NF1: variants seen among roughly 807,000 people sequenced by gnomAD.
NF1 encodes neurofibromin.
In NF1, 122 loss-of-function variants were observed where a neutral mutation model predicts 325.7. That is an observed-to-expected ratio of 0.37 (90% confidence interval 0.32 to 0.44). NF1 has a LOEUF of 0.44. Among genes scored for constraint, NF1 ranks in the 20% least tolerant of loss-of-function variants. The pLI is 1.00. For synonymous variants in NF1, 1,091 were observed against 1,186.0 expected (o/e 0.92, Z 1.65); for missense variants, 2,140 against 3,415.4 (o/e 0.63, Z 9.31).
intron 36 of NF1, among the ~76,000 whole-genome samples, chr17:31,310,014 T>A (rs997237142): frequency 6.6e-6 from 1 of 152,124 alleles, no homozygotes; most frequent in Non-Finnish European, 1.5e-5. Flanking sequence ...AGAAGAAAGA[T>A]TTAAAAGAGG....
chr17:31,113,902 C>T (rs1913655364), intron 1 of NF1, among the ~76,000 whole-genome samples: 1 of 152,204 alleles, frequency 6.6e-6, no homozygotes, highest in Non-Finnish European at 1.5e-5. Flanking sequence ...TGTCCTTACC[C>T]TCTTCCCAAA....
At chr17:31,202,172 C>G (rs934337410) in intron 11 of NF1, among the ~76,000 whole-genome samples, 1 of 152,142 alleles carries the variant, frequency 6.6e-6, no homozygotes, top group African/African-American at 2.4e-5. Flanking sequence ...TTTTAAAATT[C>G]TGTTCTTGTA....
chr17:31,212,359 A>G (rs2066743462), intron 12 of NF1, among the ~76,000 whole-genome samples: 1 of 152,176 alleles, frequency 6.6e-6, no homozygotes, highest in African/African-American at 2.4e-5. Context: ...GGACCTTCTG[A>G]GGCTGTGTTT....
chr17:31,303,503 A>G (rs901349340), intron 36 of NF1, among the ~76,000 whole-genome samples: 31 of 152,114 alleles, frequency 2.0e-4, no homozygotes, highest in Admixed American at 8.5e-4. Context: ...AAATCACCCA[A>G]AGTCACCCGT....
chr17:31,352,500 G>A (rs1192746309), intron 51 of NF1, 86 bp downstream of exon 51: 1 of 1,337,038 alleles, frequency 7.5e-7, no homozygotes, highest in Non-Finnish European at 1.0e-6. Flanking sequence ...GAAATTTCAG[G>A]ATTATCAAAA....
At position 31,181,723 on chromosome 17, in the gene NF1, G is replaced by C. The variant is rs1567826110; in HGVS notation, c.668G>C (p.Trp223Ser). 6.2e-7 allele frequency: 1 copy of C among 1,608,482 alleles called. No individual in the cohort carries two copies. Among genetic ancestry groups the C allele is most frequent in the Non-Finnish European group, 8.5e-7 (1 of 1,175,358 alleles). The change falls in exon 7 of 58, where the codon TGG becomes TCG. Residue 223 changes from tryptophan to serine, a missense_variant. Trp to Ser is a radical substitution (Grantham distance 177, BLOSUM62 -3). Coordinates refer to ENST00000358273, the MANE Select transcript of NF1 (RefSeq NM_001042492.3). ...INSLEKAFWNWVENYPDEFTK... is the reference protein window; with the variant it reads ...INSLEKAFWNSVENYPDEFTK... ...CTTTATTTATAGGCATTTTGGAACTGGGTAGAAAATTATCCAGATGAATTT... is the reference window on the plus strand; with the variant it reads ...CTTTATTTATAGGCATTTTGGAACTCGGTAGAAAATTATCCAGATGAATTT...
At chr17:31,095,839 C>T (rs961034621) in intron 1 of NF1, among the ~76,000 whole-genome samples, 3 of 152,060 alleles carry the variant, frequency 2.0e-5, no homozygotes, top group African/African-American at 4.8e-5. Flanking sequence ...TCTTATATAC[C>T]CTCAATAGGA....
At chr17:31,244,786 A>G (rs1417427331) in intron 29 of NF1, among the ~76,000 whole-genome samples, 1 of 151,920 alleles carries the variant, frequency 6.6e-6, no homozygotes, top group Non-Finnish European at 1.5e-5. Context: ...GTGATCACTT[A>G]CCTGATTTTC....
At chr17:31,116,108 T>C (rs1913883025) in intron 1 of NF1, among the ~76,000 whole-genome samples, 1 of 152,188 alleles carries the variant, frequency 6.6e-6, no homozygotes, top group Non-Finnish European at 1.5e-5. Context: ...CATGCAGATA[T>C]CTCACTAATT....
chr17:31,223,303 A>C (rs1229861843), intron 15 of NF1, 141 bp from the exon 16 acceptor site: 2 of 978,576 alleles, frequency 2.0e-6, no homozygotes, highest in Admixed American at 4.1e-5. Context: ...CACTTTGATA[A>C]CTGTTTCTCT....
chr17:31,227,369 C>T, intron 19 of NF1, 78 bp downstream of exon 19: 3 of 1,508,582 alleles, frequency 2.0e-6, no homozygotes, highest in Non-Finnish European at 1.8e-6. Flanking sequence ...TATGTGTGAT[C>T]AGGAATAGCT....
intron 56 of NF1, 96 bp downstream of exon 56, chr17:31,359,111 A>T: frequency 4.9e-6 from 5 of 1,022,860 alleles, no homozygotes; most frequent in Non-Finnish European, 6.0e-6. Flanking sequence ...GCTGAAAACC[A>T]GAAAAATAAT....
chr17:31,323,399 A>G (rs771280735), intron 36 of NF1, among the ~76,000 whole-genome samples: 50 of 144,600 alleles, frequency 3.5e-4, no homozygotes, highest in Middle Eastern at 3.5e-3. Context: ...GAGTTAAGGG[A>G]AAAAAAAAAA....
At chr17:31,166,292 T>C (rs2065843592) in intron 4 of NF1, among the ~76,000 whole-genome samples, 1 of 152,254 alleles carries the variant, frequency 6.6e-6, no homozygotes, top group African/African-American at 2.4e-5. Context: ...AGTTTTTTTA[T>C]ATGTCTCTGA....
chr17:31,164,583 C>CG (rs1597637652), intron 4 of NF1, among the ~76,000 whole-genome samples: 1 of 152,162 alleles, frequency 6.6e-6, no homozygotes, highest in African/African-American at 2.4e-5. Flanking sequence ...CAGTGTTGTA[C>CG]GAACAGTGGA....
chr17:31,182,581 A>G lies in NF1; in HGVS notation c.804A>G (p.Pro268=), dbSNP rs759964997. The G allele has an allele frequency of 3.1e-6, 5 of 1,613,954 alleles. No individual in the cohort carries two copies. The South Asian group carries it at 5.5e-5, about 18-fold the overall frequency. Residue 268 remains proline, a synonymous_variant, in exon 8 of 58, where the codon CCA becomes CCG. Coordinates refer to ENST00000358273, the MANE Select transcript of NF1 (RefSeq NM_001042492.3). ...ESTKRKAAVW[P]LQIILLILCP... ...CCAAACGTAAAGCAGCAGTTTGGCC[A>G]CTACAAATCATTCTCCTTATCTTGT...
At chr17:31,162,054 AAAAG>A (rs1412131270) in intron 3 of NF1, among the ~76,000 whole-genome samples, 27 of 151,622 alleles carry the variant, frequency 1.8e-4, no homozygotes, top group South Asian at 6.3e-4. Context: ...AAAAAAAAAA[AAAAG>A]AACGAAAATA....
chr17:31,318,146 G>A, intron 36 of NF1: 7 of 804,954 alleles, frequency 8.7e-6, no homozygotes, highest in Non-Finnish European at 1.3e-5. Flanking sequence ...AAATAATTAA[G>A]CAGGCATACT....
chr17:31,259,484 A>G (rs975647029), intron 33 of NF1, among the ~76,000 whole-genome samples: 21 of 152,188 alleles, frequency 1.4e-4, no homozygotes, highest in Non-Finnish European at 1.0e-4. Context: ...ACAATGTTTA[A>G]TAAGGTTTTT....
Sources: gnomAD v4.1 joint callset for allele counts (sites outside exome capture counted in the v4.1 genomes callset) on GRCh38, gnomAD v4.1.1 for gene constraint, MANE v1.5 for transcripts, NCBI Gene and HGNC (gene_info 2026-07-23, HGNC 2026-07-21) for gene names.